Variants in CCDC60 observed in about 807,000 individuals in gnomAD.
CCDC60 encodes the protein coiled-coil domain-containing protein 60.
In CCDC60, 54 loss-of-function variants were observed where a neutral mutation model predicts 63.5. That is an observed-to-expected ratio of 0.85 (90% CI 0.68 to 1.07). The LOEUF (loss-of-function observed/expected upper bound fraction) is 1.07, where lower values mean the gene tolerates loss of function less well. Among genes scored for constraint, CCDC60 ranks in the 50% least tolerant of loss-of-function variants. The pLI is 0.00. For synonymous variants in CCDC60, 206 were observed against 238.8 expected (o/e 0.86, Z 1.27); for missense variants, 651 against 684.3 (o/e 0.95, Z 0.54).
chr12:119,351,197 G>T (rs192937299), intron 1 of CCDC60, among the ~76,000 whole-genome samples: 1 of 152,160 alleles, frequency 6.6e-6, no homozygotes, highest in Admixed American at 6.5e-5. Flanking sequence ...AAATTGCTTC[G>T]TAAGTGCCTC....
At chr12:119,352,573 C>T (rs1039938538) in intron 1 of CCDC60, among the ~76,000 whole-genome samples, 1 of 152,188 alleles carries the variant, frequency 6.6e-6, no homozygotes, top group African/African-American at 2.4e-5. Flanking sequence ...CAATATTTCC[C>T]TCTGCAACAT....
intron 2 of CCDC60, among the ~76,000 whole-genome samples, chr12:119,459,779 T>C (rs1950822335): frequency 6.6e-6 from 1 of 152,186 alleles, no homozygotes; most frequent in Non-Finnish European, 1.5e-5. Context: ...TGGTTTCATC[T>C]TGGACCCAAC....
intron 2 of CCDC60, chr12:119,428,997 C>T (rs1429934615): frequency 9.6e-6 from 4 of 415,168 alleles, no homozygotes; most frequent in African/African-American, 8.0e-5. Context: ...ATTCCCTCTG[C>T]TTTTCTTCCT....
In CCDC60 at chr12:119,373,300, T is replaced by C. The variant is rs772699729; in HGVS notation, c.90+38034T>C. On this transcript the variant is annotated intron_variant, in intron 1 of 13. Transcript: ENST00000327554. ...AAATAATCTGTGATTCTTTTGGTGG[T>C]GCTTAAGAGAACACTGATTGACCTA... 2.6e-5 allele frequency among the ~76,000 whole-genome samples: 4 copies of C among 152,306 alleles called. No homozygotes were observed. The South Asian group carries it at 8.3e-4, about 32-fold the overall frequency.
At chr12:119,360,156 C>CAG (rs1565969841) in intron 1 of CCDC60, among the ~76,000 whole-genome samples, 6 of 149,246 alleles carry the variant, frequency 4.0e-5, no homozygotes. Flanking sequence ...GCTGGCCGGG[C>CAG]GGGGGGCTGA....
intron 3 of CCDC60, among the ~76,000 whole-genome samples, chr12:119,473,617 C>A (rs937343164): frequency 7.9e-5 from 12 of 152,148 alleles, no homozygotes; most frequent in African/African-American, 2.9e-4. Context: ...CCCACCCTTC[C>A]CCCAGGAGTC....
intron 1 of CCDC60, among the ~76,000 whole-genome samples, chr12:119,397,272 G>C (rs1208410470): frequency 6.6e-6 from 1 of 152,206 alleles, no homozygotes; most frequent in Non-Finnish European, 1.5e-5. Context: ...AGGGACCTGA[G>C]CCGGTTGCCT....
At chr12:119,433,057 G>T (rs2136241099) in intron 2 of CCDC60, among the ~76,000 whole-genome samples, 1 of 152,212 alleles carries the variant, frequency 6.6e-6, no homozygotes, top group Admixed American at 6.5e-5. Context: ...TCACCACTTT[G>T]GTAGCTCGAA....
chr12:119,377,785 G>C (rs1442001294), intron 1 of CCDC60, among the ~76,000 whole-genome samples: 2 of 152,068 alleles, frequency 1.3e-5, no homozygotes, highest in Non-Finnish European at 2.9e-5. Context: ...GTGAACACAG[G>C]CTCTTAAACC....
intron 12 of CCDC60, among the ~76,000 whole-genome samples, chr12:119,529,677 T>C (rs1290694430): frequency 6.6e-6 from 1 of 152,204 alleles, no homozygotes; most frequent in East Asian, 1.9e-4. Flanking sequence ...TCACAAGCAA[T>C]GTCTGGCCCT....
At chr12:119,538,883 G>A (rs1953081918) in intron 13 of CCDC60, among the ~76,000 whole-genome samples, 1 of 152,196 alleles carries the variant, frequency 6.6e-6, no homozygotes, top group African/African-American at 2.4e-5. Flanking sequence ...TTGTGTGGAT[G>A]TGCTTTTTGT....
At chr12:119,462,475 GT>G (rs200542757) in intron 2 of CCDC60, among the ~76,000 whole-genome samples, 2 of 151,722 alleles carry the variant, frequency 1.3e-5, no homozygotes, top group African/African-American at 4.8e-5. Flanking sequence ...TGGTTTTCTT[GT>G]TTTTTTCTGC....
intron 8 of CCDC60, among the ~76,000 whole-genome samples, chr12:119,519,885 T>C: frequency 6.6e-6 from 1 of 151,982 alleles, no homozygotes; most frequent in East Asian, 1.9e-4. Flanking sequence ...TGTATACCTG[T>C]GTGTGTGATC....
intron 2 of CCDC60, among the ~76,000 whole-genome samples, chr12:119,445,939 G>T (rs539870923): frequency 3.9e-5 from 6 of 152,118 alleles, no homozygotes; most frequent in Non-Finnish European, 7.3e-5. Flanking sequence ...GGGACGGGGG[G>T]TGAGGGACAA....
intron 1 of CCDC60, among the ~76,000 whole-genome samples, chr12:119,373,883 A>G (rs779204517): frequency 2.0e-5 from 3 of 152,214 alleles, no homozygotes; most frequent in Non-Finnish European, 4.4e-5. Flanking sequence ...CTTTAAGTAC[A>G]TGGATAATGA....
rs948995356 is a variant in CCDC60, at chr12:119,420,017, C to T, written c.91-8666C>T. Among the ~76,000 whole-genome samples the T allele has an allele frequency of 1.3e-5, 2 of 151,900 alleles. No individual in the cohort carries two copies. Among genetic ancestry groups the T allele is most frequent in the African/African-American group, 4.8e-5 (2 of 41,414 alleles). On this transcript the variant is annotated intron_variant, in intron 1 of 13. Coordinates refer to ENST00000327554, the MANE Select transcript of CCDC60 (RefSeq NM_178499.5). The surrounding 1 kb of genome is among the most constrained non-coding windows in gnomAD (Gnocchi z 4.1). ...TCAGCCTCCCGAGTAGCTGGGACTA[C>T]AGGCACCCACCACCACACCTGGGTA...
At chr12:119,519,438 C>CGCGT (rs1952448417) in intron 8 of CCDC60, among the ~76,000 whole-genome samples, 7 of 83,434 alleles carry the variant, frequency 8.4e-5, no homozygotes, top group South Asian at 7.5e-4. Flanking sequence ...TGTGTGTGCG[C>CGCGT]GTGTGTGTGT....
At chr12:119,469,324 G>A (rs547383599) in intron 2 of CCDC60, among the ~76,000 whole-genome samples, 1 of 152,248 alleles carries the variant, frequency 6.6e-6, no homozygotes, top group East Asian at 1.9e-4. Flanking sequence ...TCAGCTAACT[G>A]CAACCTCCGC....
intron 1 of CCDC60, among the ~76,000 whole-genome samples, chr12:119,351,260 G>C (rs1955653776): frequency 6.6e-6 from 1 of 152,234 alleles, no homozygotes; most frequent in African/African-American, 2.4e-5. Context: ...AGAATTGAGA[G>C]ATCCATTCTC....
Sources: allele counts gnomAD v4.1 joint callset (sites outside exome capture counted in the v4.1 genomes callset), GRCh38; gene constraint gnomAD v4.1.1; non-coding constraint Gnocchi (gnomAD v3.1); transcripts MANE v1.5; gene names NCBI Gene and HGNC (gene_info 2026-07-23, HGNC 2026-07-21).